The following TESK2 variants were observed in gnomAD, a reference collection of about 807,000 sequenced individuals.
TESK2 encodes dual specificity testis-specific protein kinase 2.
TESK2 carries 39 observed loss-of-function variants against 57.1 expected under a neutral mutation model. That is an observed-to-expected ratio of 0.68 (90% CI 0.53 to 0.89). TESK2 has a LOEUF of 0.89. Ranked by LOEUF, TESK2 falls within the 40% of genes least tolerant of loss-of-function variation. The pLI, the probability that TESK2 is intolerant of heterozygous loss-of-function variation, is 0.00. For synonymous variants in TESK2, 249 were observed against 267.9 expected (o/e 0.93, Z 0.69); for missense variants, 646 against 732.1 (o/e 0.88, Z 1.36).
chr1:45,434,302 G>A (rs1176584559), intron 2 of TESK2, among the ~76,000 whole-genome samples: 2 of 150,496 alleles, frequency 1.3e-5, no homozygotes, highest in Admixed American at 6.6e-5. Flanking sequence ...GCCTGTTTTT[G>A]TTTGTTTGTC....
intron 3 of TESK2, among the ~76,000 whole-genome samples, chr1:45,386,970 CCTT>C (rs1367420479): frequency 6.6e-6 from 1 of 152,078 alleles, no homozygotes; most frequent in African/African-American, 2.4e-5. Flanking sequence ...AGTTTTTTAT[CCTT>C]CATCCCCCTC....
chr1:45,412,414 G>A (rs1029403834), intron 3 of TESK2, among the ~76,000 whole-genome samples: 1 of 152,204 alleles, frequency 6.6e-6, no homozygotes, highest in African/African-American at 2.4e-5. Context: ...TTTCAGGATG[G>A]ATAACTGGAA....
intron 5 of TESK2, among the ~76,000 whole-genome samples, chr1:45,350,726 T>C (rs1331849358): frequency 6.6e-6 from 1 of 152,202 alleles, no homozygotes; most frequent in Non-Finnish European, 1.5e-5. Flanking sequence ...TCTTGTGTAA[T>C]GGCCTGCTGA....
rs760610185 is a variant in TESK2 at position 45,358,006 on chromosome 1, T to TAAA, written c.394-2560_394-2558dup. Among the ~76,000 whole-genome samples the TAAA allele has an allele frequency of 9.5e-4, 23 of 24,246 alleles. 1 individual carries two copies. Among genetic ancestry groups the TAAA allele is most frequent in the African/African-American group, 2.5e-3 (17 of 6,816 alleles). The allele number at this position is 24,246 out of a possible 152,430, so 15.9% of individuals were successfully genotyped here. A position where few individuals can be genotyped will look rare whatever the true frequency, so the allele number is the denominator to read the frequency against. On this transcript the variant is annotated intron_variant, in intron 4 of 10. Coordinates refer to ENST00000372086, the MANE Select transcript of TESK2 (RefSeq NM_007170.3). ...GCAAGTGACGGAGTGAAACTCCGTCTAAAAAAAAAAAAAAAAAAAAAAAAA... is the reference window on the plus strand; with the variant it reads ...GCAAGTGACGGAGTGAAACTCCGTCTAAAAAAAAAAAAAAAAAAAAAAAAAAAA...
At chr1:45,377,896 T>C (rs1327518801) in intron 4 of TESK2, among the ~76,000 whole-genome samples, 1 of 151,732 alleles carries the variant, frequency 6.6e-6, no homozygotes, top group East Asian at 2.0e-4. Flanking sequence ...TGTGGTGGTG[T>C]GCGCCTGTAG....
chr1:45,413,786 T>G (rs1158701274), intron 3 of TESK2: 2 of 455,472 alleles, frequency 4.4e-6, no homozygotes, highest in East Asian at 1.4e-4. Flanking sequence ...CACATCTGTG[T>G]AATCCTAGGG....
At chr1:45,483,280 C>CAA (rs753864816) in intron 1 of TESK2, among the ~76,000 whole-genome samples, 2 of 118,546 alleles carry the variant, frequency 1.7e-5, no homozygotes, top group Non-Finnish European at 1.8e-5. Flanking sequence ...GACTTCGTCT[C>CAA]AAAAAAAAAA....
intron 2 of TESK2, among the ~76,000 whole-genome samples, chr1:45,434,372 C>T (rs116105145): frequency 9.1e-4 from 139 of 151,954 alleles, no homozygotes; most frequent in African/African-American, 3.2e-3. Context: ...ACAGCTCACT[C>T]TAGTGTCAAT....
At chr1:45,457,538 A>G (rs371451304) in intron 2 of TESK2, 26 bp downstream of exon 2, 311 of 1,601,432 alleles carry the variant, frequency 1.9e-4, no homozygotes, top group Non-Finnish European at 2.4e-4. Context: ...GCAAGACAAT[A>G]TGAGAAAAGC....
At chr1:45,429,048 C>A (rs1468091124) in intron 2 of TESK2, among the ~76,000 whole-genome samples, 1 of 150,638 alleles carries the variant, frequency 6.6e-6, no homozygotes, top group Non-Finnish European at 1.5e-5. Flanking sequence ...GTCTCGATCT[C>A]CTGACCTCGT....
At chr1:45,367,375 A>G (rs1647971003) in intron 4 of TESK2, among the ~76,000 whole-genome samples, 1 of 151,062 alleles carries the variant, frequency 6.6e-6, no homozygotes, top group African/African-American at 2.4e-5. Context: ...CCACCTAGAA[A>G]CTGGGCATCA....
At chr1:45,454,442 T>C (rs1457265172) in intron 2 of TESK2, among the ~76,000 whole-genome samples, 1 of 151,920 alleles carries the variant, frequency 6.6e-6, no homozygotes, top group Non-Finnish European at 1.5e-5. Context: ...TATTATTTTA[T>C]TTTATTTTAT....
At chr1:45,382,120 C>T (rs941931235) in intron 4 of TESK2, among the ~76,000 whole-genome samples, 2 of 152,078 alleles carry the variant, frequency 1.3e-5, no homozygotes, top group African/African-American at 4.8e-5. Context: ...AATCCTTCTG[C>T]CTCTACCTCC....
In TESK2 at chr1:45,344,896, C is replaced by G. The variant is rs1212985091; in HGVS notation, c.1660G>C (p.Ala554Pro). Residue 554 changes from alanine to proline, a missense_variant, in exon 11 of 11, where the codon GCC (alanine) becomes CCC (proline). Ala to Pro is a conservative substitution (Grantham distance 27, BLOSUM62 -1). Transcript: ENST00000372086. Reference sequence around the variant, plus strand: ...CCTATGCCTGAGGTGGAGAAGGTGGCTGGAGTTGAGCCTGCTGGCCTTTCT... The same window carrying G: ...CCTATGCCTGAGGTGGAGAAGGTGGGTGGAGTTGAGCCTGCTGGCCTTTCT... ...VEERPAGSTP[A>P]TFSTSGIGLQ... is the part of the protein sequence containing the mutation. 2 of 1,613,932 alleles carry G rather than the reference C, an allele frequency of 1.2e-6. No homozygotes were observed. The highest frequency in any genetic ancestry group is 2.2e-5 in the East Asian group (1 of 44,884).
intron 1 of TESK2, among the ~76,000 whole-genome samples, chr1:45,490,625 G>A (rs1653680037): frequency 6.6e-6 from 1 of 152,230 alleles, no homozygotes; most frequent in Non-Finnish European, 1.5e-5. Flanking sequence ...TTCTAAGGGG[G>A]AGCAGACGTG....
At chr1:45,355,601 G>T in intron 4 of TESK2, 152 bp from the exon 5 acceptor site, 2 of 757,206 alleles carry the variant, frequency 2.6e-6, no homozygotes, top group Non-Finnish European at 4.1e-6. Context: ...TATGGTAGGT[G>T]CTGCACACAA....
intron 3 of TESK2, among the ~76,000 whole-genome samples, chr1:45,420,204 G>A (rs1008219466): frequency 1.8e-4 from 27 of 152,158 alleles, no homozygotes; most frequent in Non-Finnish European, 4.4e-5. Flanking sequence ...ACAACACAGT[G>A]AGACCTTATC....
At chr1:45,455,576 C>A (rs994796652) in intron 2 of TESK2, among the ~76,000 whole-genome samples, 12 of 152,208 alleles carry the variant, frequency 7.9e-5, no homozygotes, top group Non-Finnish European at 1.0e-4. Flanking sequence ...GGCAATGAAC[C>A]CATTTACAGT....
At chr1:45,351,744 G>C (rs1284157739) in intron 5 of TESK2, among the ~76,000 whole-genome samples, 1 of 152,188 alleles carries the variant, frequency 6.6e-6, no homozygotes, top group Admixed American at 6.5e-5. Context: ...ACAAAACTGG[G>C]CCTGGAACCC....
Sources: gnomAD v4.1 joint callset for allele counts (sites outside exome capture counted in the v4.1 genomes callset) on GRCh38, gnomAD v4.1.1 for gene constraint, MANE v1.5 for transcripts, NCBI Gene and HGNC (gene_info 2026-07-23, HGNC 2026-07-21) for gene names.